ZNF229: variants seen among roughly 807,000 people sequenced by gnomAD.
The protein encoded by ZNF229 is zinc finger protein 229.
ZNF229 carries 10 observed loss-of-function variants against 11.8 expected under a neutral mutation model. The ratio of observed to expected loss-of-function variants is 0.85; its 90% CI spans 0.52 to 1.44. The LOEUF (loss-of-function observed/expected upper bound fraction) is 1.44, where lower values mean the gene tolerates loss of function less well. Among genes scored for constraint, ZNF229 ranks in the 40% most tolerant of loss-of-function variants. The pLI, the probability that ZNF229 is intolerant of heterozygous loss-of-function variation, is 0.00. For missense variants in ZNF229, 1,045 were observed against 1,015.1 expected, an observed-to-expected ratio of 1.03 and a Z score of -0.40; for synonymous variants, 368 against 374.8, an observed-to-expected ratio of 0.98 and a Z score of 0.21.
chr19:44,436,034 C>T (rs1017043894), intron 4 of ZNF229, among the ~76,000 whole-genome samples: 1 of 152,096 alleles, frequency 6.6e-6, no homozygotes, highest in Non-Finnish European at 1.5e-5. Flanking sequence ...AATTATGAAC[C>T]CGACACAGCA....
At chr19:44,432,126 A>C (rs1235295197) in intron 5 of ZNF229, 96 bp downstream of exon 5, 1 of 1,491,682 alleles carries the variant, frequency 6.7e-7, no homozygotes, top group African/African-American at 1.4e-5. Context: ...GCTGAAACTA[A>C]GAGTTCTATA....
At position 44,432,218 on chromosome 19, in the gene ZNF229, T is replaced by C. The variant is rs1378058409; in HGVS notation, c.238+4A>G. On this transcript the variant is annotated splice_donor_region_variant and intron_variant, in intron 5 of 5. Transcript: ENST00000614049. ...AACACTCCAAGAAGTTCAGTTCCAA[T>C]TACCCAGAGGATTCCTCTCACCCAC... 6.2e-7 allele frequency: 1 copy of C among 1,606,278 alleles called. No homozygotes were observed. Among genetic ancestry groups the C allele is most frequent in the African/African-American group, 1.3e-5 (1 of 74,270 alleles).
rs1387060655 is a variant in ZNF229 at position 44,426,695 on chromosome 19, A to G, written c.*1608T>C. ...ATTTGCTATTTTAAAAATGTTTTAA[A>G]TTTAAAAACTCCACCTTCTGCATGC... On this transcript the variant is annotated 3_prime_UTR_variant, in exon 6 of 6. Coordinates refer to ENST00000614049, the MANE Select transcript of ZNF229 (RefSeq NM_014518.4). 6.6e-6 allele frequency: 1 copy of G among 152,028 alleles called. No individual in the cohort carries two copies. The highest frequency in any genetic ancestry group is 1.5e-5 in the Non-Finnish European group (1 of 68,030). The allele number at this position is 152,028 out of a possible 1,614,324, so 9.4% of individuals were successfully genotyped here.
intron 5 of ZNF229, 186 bp downstream of exon 5, chr19:44,432,036 C>G (rs1029939293): frequency 5.8e-6 from 7 of 1,211,528 alleles, no homozygotes; most frequent in Non-Finnish European, 7.5e-6. Flanking sequence ...ACTATGCTGG[C>G]ACCCTGATCT....
At position 44,427,102 on chromosome 19, in the gene ZNF229, T is replaced by C. The variant is rs1971587439; in HGVS notation, c.*1201A>G. On this transcript the variant is annotated 3_prime_UTR_variant, in exon 6 of 6. Transcript: ENST00000614049. ...CAGCTCTCATGAGAACTCACTATCA[T>C]GAGAACAGCAAGGGAGAAATCTGCC... The C allele has an allele frequency of 6.6e-6, 1 of 151,978 alleles. No homozygotes were observed. Among genetic ancestry groups the C allele is most frequent in the Admixed American group, 6.6e-5 (1 of 15,260 alleles). The allele number at this position is 151,978 out of a possible 1,614,324, so 9.4% of individuals were successfully genotyped here.
rs1480847703 is a variant in ZNF229 at position 44,429,763 on chromosome 19, G to A, written c.1018C>T (p.Pro340Ser). 1.2e-6 allele frequency: 2 copies of A among 1,613,918 alleles called. No homozygotes were observed. Among genetic ancestry groups the A allele is most frequent in the Non-Finnish European group, 1.7e-6 (2 of 1,180,024 alleles). The change falls in exon 6 of 6, where the codon CCC (proline) becomes TCC (serine). Residue 340 changes from proline to serine, a missense_variant. Pro to Ser is a moderately conservative substitution (Grantham distance 74, BLOSUM62 -1). Coordinates refer to ENST00000614049, the MANE Select transcript of ZNF229 (RefSeq NM_014518.4). ...GGCATGTCTCCCACAGGGGCTCTGGGGTGGTTACGTATGTGCGTGTTCTGT... is the reference window on the plus strand; with the variant it reads ...GGCATGTCTCCCACAGGGGCTCTGGAGTGGTTACGTATGTGCGTGTTCTGT... ...VRQNTHIRNH[P>S]RAPVGDMPYR...
chr19:44,432,191 A>G, intron 5 of ZNF229, 31 bp downstream of exon 5: 1 of 1,589,942 alleles, frequency 6.3e-7, no homozygotes. Context: ...TCCAGGAACA[A>G]GAACACTCCA....
intron 4 of ZNF229, among the ~76,000 whole-genome samples, chr19:44,442,302 T>C (rs1971925820): frequency 6.6e-6 from 1 of 152,148 alleles, no homozygotes; most frequent in Non-Finnish European, 1.5e-5. Flanking sequence ...GCTATTGCGG[T>C]GGCAGGAAGG....
chr19:44,442,493 C>T (rs1230378874), intron 4 of ZNF229, 70 bp downstream of exon 4: 12 of 1,538,212 alleles, frequency 7.8e-6, no homozygotes, highest in Admixed American at 3.5e-5. Flanking sequence ...TTCCTTTTAC[C>T]GAGAAGGGAC....
rs1200938312 is a variant in ZNF229, at chr19:44,428,523, G to A, written c.2258C>T (p.Ser753Leu). Residue 753 changes from serine to leucine, a missense_variant, in exon 6 of 6, where the codon TCA (serine) becomes TTA (leucine). Coordinates refer to ENST00000614049, the MANE Select transcript of ZNF229 (RefSeq NM_014518.4). Reference sequence around the variant, plus strand: ...GACCCTCTGATGACCTTGAAGATGTGAGCTCTGACTATAGCCCTTCCCACA... The same window carrying A: ...GACCCTCTGATGACCTTGAAGATGTAAGCTCTGACTATAGCCCTTCCCACA... ...HVCGKGYSQS[S>L]HLQGHQRVHT... 6.8e-6 allele frequency: 11 copies of A among 1,613,778 alleles called. No individual in the cohort carries two copies. In the Middle Eastern group the frequency reaches 6.6e-4, roughly 96 times the overall value.
At chr19:44,443,941 C>T (rs577891511) in intron 2 of ZNF229, among the ~76,000 whole-genome samples, 2 of 152,138 alleles carry the variant, frequency 1.3e-5, no homozygotes, top group African/African-American at 4.8e-5. Context: ...GCCCCACCCC[C>T]CAGACTGAAT....
chr19:44,446,244 T>C (rs949415519), intron 2 of ZNF229, among the ~76,000 whole-genome samples: 4 of 152,176 alleles, frequency 2.6e-5, no homozygotes, highest in Admixed American at 2.6e-4. Flanking sequence ...GAAATAAATA[T>C]GATTCTGAGG....
At chr19:44,439,414 A>G (rs1971869477) in intron 4 of ZNF229, among the ~76,000 whole-genome samples, 1 of 152,186 alleles carries the variant, frequency 6.6e-6, no homozygotes, top group Non-Finnish European at 1.5e-5. Context: ...TATGGTAGTA[A>G]AATACACACT....
intron 4 of ZNF229, among the ~76,000 whole-genome samples, chr19:44,432,908 GAAGAC>G (rs1971750568): frequency 6.6e-6 from 1 of 151,758 alleles, no homozygotes; most frequent in Non-Finnish European, 1.5e-5. Flanking sequence ...TCTAAAAAAA[GAAGAC>G]AAGATAGCAG....
chr19:44,431,101 C>T (rs1600013300), intron 5 of ZNF229, among the ~76,000 whole-genome samples: 1 of 152,232 alleles, frequency 6.6e-6, no homozygotes, highest in East Asian at 1.9e-4. Flanking sequence ...GGTGACTGTA[C>T]TTCTGGGTAT....
Position 44,441,364 on chromosome 19 carries a change from G to T in ZNF229, c.93+1199C>A, listed in dbSNP as rs192974199. Among the ~76,000 whole-genome samples the T allele has an allele frequency of 2.6e-5, 4 of 152,232 alleles. No homozygotes were observed. The East Asian group carries it at 7.7e-4, about 29-fold the overall frequency. ...TTTAAAATTAAGGTACACAGTAAAAGAAGTGAATCAAATCTTCAAAATTAT... is the reference window on the plus strand; with the variant it reads ...TTTAAAATTAAGGTACACAGTAAAATAAGTGAATCAAATCTTCAAAATTAT... On this transcript the variant is annotated intron_variant, in intron 4 of 5. Transcript: ENST00000614049.
intron 2 of ZNF229, among the ~76,000 whole-genome samples, chr19:44,443,690 A>C (rs2075793865): frequency 6.6e-6 from 1 of 152,246 alleles, no homozygotes; most frequent in Admixed American, 6.5e-5. Flanking sequence ...GAGCATAAAC[A>C]ATACTCTGAA....
Position 44,430,600 on chromosome 19 carries a change from T to A in ZNF229, c.239-58A>T. ...CTAGTAAAAGACTGGCTCAGGGACA[T>A]CAGACTTTCAGACTTGAACTAATAA... On this transcript the variant is annotated intron_variant, in intron 5 of 5. Coordinates refer to ENST00000614049, the MANE Select transcript of ZNF229 (RefSeq NM_014518.4). 2.8e-6 allele frequency: 4 copies of A among 1,451,970 alleles called. No homozygotes were observed. In the South Asian group the frequency reaches 5.5e-5, roughly 20 times the overall value. The allele number at this position is 1,451,970 out of a possible 1,614,324, so 89.9% of individuals were successfully genotyped here.
At chr19:44,444,297 T>C (rs970539712) in intron 2 of ZNF229, among the ~76,000 whole-genome samples, 8 of 152,188 alleles carry the variant, frequency 5.3e-5, no homozygotes, top group Non-Finnish European at 1.0e-4. Context: ...ATACACATAC[T>C]TGGGCTGTCT....
Sources: allele counts gnomAD v4.1 joint callset (sites outside exome capture counted in the v4.1 genomes callset), GRCh38; gene constraint gnomAD v4.1.1; transcripts MANE v1.5; gene names NCBI Gene and HGNC (gene_info 2026-07-23, HGNC 2026-07-21).